ACVR2A: variants seen among roughly 807,000 people sequenced by gnomAD.
ACVR2A encodes activin receptor type-2A.
In ACVR2A, 7 loss-of-function variants were observed where a neutral mutation model predicts 61.4. The observed-to-expected ratio is 0.11, with a 90% CI of 0.06 to 0.21. ACVR2A has a LOEUF of 0.21. ACVR2A is among the 10% of genes least tolerant of loss of function. ACVR2A has a pLI of 1.00. For synonymous variants in ACVR2A, 193 were observed against 208.3 expected, an observed-to-expected ratio of 0.93 and a Z score of 0.63; for missense variants, 322 against 621.7, an observed-to-expected ratio of 0.52 and a Z score of 5.13.
At chr2:147,899,667 A>G in intron 3 of ACVR2A, 77 bp from the exon 4 acceptor site, 1 of 1,588,876 alleles carries the variant, frequency 6.3e-7, no homozygotes, top group Non-Finnish European at 8.6e-7. Flanking sequence ...CTTCCCCAAA[A>G]TTTGAGACTA....
At chr2:147,849,857 A>T (rs559180700) in intron 1 of ACVR2A, among the ~76,000 whole-genome samples, 1 of 152,286 alleles carries the variant, frequency 6.6e-6, no homozygotes, top group East Asian at 1.9e-4. Flanking sequence ...GAGAAGCACA[A>T]CTAAACCAAA....
chr2:147,925,541 G>GTAGAGAAGAT (rs1687481378), intron 9 of ACVR2A: 1 of 151,898 alleles, frequency 6.6e-6, no homozygotes, highest in Admixed American at 6.6e-5. Context: ...TAGAGAAGAG[G>GTAGAGAAGAT]TATGACTCTG....
intron 4 of ACVR2A, among the ~76,000 whole-genome samples, chr2:147,902,188 TG>T (rs2105197111): frequency 1.3e-5 from 2 of 152,122 alleles, no homozygotes; most frequent in African/African-American, 4.8e-5. Context: ...GAATGGGGCA[TG>T]GGATGTTATG....
At chr2:147,915,147 G>A (rs1300735365) in intron 4 of ACVR2A, 44 bp from the exon 5 acceptor site, 2 of 1,593,078 alleles carry the variant, frequency 1.3e-6, no homozygotes, top group African/African-American at 1.3e-5. Flanking sequence ...GTTGGTGTGT[G>A]TCATGTTCTG....
At chr2:147,848,191 A>G (rs1558957015) in intron 1 of ACVR2A, among the ~76,000 whole-genome samples, 1 of 152,242 alleles carries the variant, frequency 6.6e-6, no homozygotes. Context: ...GTTTTCTAAA[A>G]GGCAGAATCT....
chr2:147,864,960 A>G (rs1685815385), intron 1 of ACVR2A, among the ~76,000 whole-genome samples: 1 of 152,218 alleles, frequency 6.6e-6, no homozygotes, highest in Admixed American at 6.5e-5. Flanking sequence ...AATGCAATAT[A>G]AAAACATGAG....
rs1363472787 is a variant in ACVR2A, at chr2:147,929,041, AAATT to A, written c.*1773_*1776del. The A allele has an allele frequency of 3.9e-5, 6 of 152,580 alleles. No homozygotes were observed. The highest frequency in any genetic ancestry group is 3.9e-4 in the East Asian group (2 of 5,188). 9.5% of individuals were successfully genotyped at this position (152,580 alleles called of 1,614,324 possible). A position where few individuals can be genotyped will look rare whatever the true frequency, so the allele number is the denominator to read the frequency against. On this transcript the variant is annotated 3_prime_UTR_variant, in exon 11 of 11. Transcript: ENST00000241416. ...TATGTACGTAATCTCTGGGAATAGT[AAATT>A]AATTATGTTATTTATAAACAATACA...
chr2:147,896,675 A>G lies in ACVR2A; in HGVS notation c.263+167A>G, dbSNP rs946464324. Reference sequence around the variant, plus strand: ...ACATGCTGTAATGACAGTATATTTTAAAGTAATAAACATGGCATATATATG... The same window carrying G: ...ACATGCTGTAATGACAGTATATTTTGAAGTAATAAACATGGCATATATATG... On this transcript the variant is annotated intron_variant, in intron 2 of 10. Transcript: ENST00000241416. The G allele has an allele frequency of 1.3e-5, 8 of 615,700 alleles. No homozygotes were observed. The African/African-American group carries it at 1.5e-4, about 11-fold the overall frequency. The allele number at this position is 615,700 out of a possible 1,614,324, so 38.1% of individuals were successfully genotyped here.
chr2:147,922,636 C>T (rs751624131), intron 8 of ACVR2A, among the ~76,000 whole-genome samples: 1 of 151,670 alleles, frequency 6.6e-6, no homozygotes, highest in Non-Finnish European at 1.5e-5. Context: ...AGAGAAAAGA[C>T]CTCAAAAAAA....
At chr2:147,891,532 C>A (rs1686582111) in intron 1 of ACVR2A, among the ~76,000 whole-genome samples, 2 of 148,338 alleles carry the variant, frequency 1.3e-5, no homozygotes. Flanking sequence ...AAAAAAAATC[C>A]AAAAAAAGAA....
intron 1 of ACVR2A, among the ~76,000 whole-genome samples, chr2:147,888,974 T>C (rs1461479827): frequency 6.6e-6 from 1 of 152,100 alleles, no homozygotes; most frequent in Non-Finnish European, 1.5e-5. Flanking sequence ...ATTGAGTAAG[T>C]TCCCTTCTAT....
chr2:147,848,513 T>G (rs2105128199), intron 1 of ACVR2A, among the ~76,000 whole-genome samples: 1 of 152,166 alleles, frequency 6.6e-6, no homozygotes, highest in Non-Finnish European at 1.5e-5. Flanking sequence ...CAACAAAGAG[T>G]TAGCTGGCTC....
Position 147,845,212 on chromosome 2 carries a change from G to T in ACVR2A, c.55+5G>T, listed in dbSNP as rs758229749. On this transcript the variant is annotated splice_donor_5th_base_variant and intron_variant, in intron 1 of 10. Transcript: ENST00000241416. ...TTCTTATCTCCTGTTCTTCAGGTAGGTGCAGGGAGCGCGGCGCGGTGGGGC... is the reference window on the plus strand; with the variant it reads ...TTCTTATCTCCTGTTCTTCAGGTAGTTGCAGGGAGCGCGGCGCGGTGGGGC... 5.0e-6 allele frequency: 8 copies of T among 1,611,880 alleles called. No individual in the cohort carries two copies. The highest frequency in any genetic ancestry group is 8.5e-7 in the Non-Finnish European group (1 of 1,179,504).
chr2:147,849,211 A>G (rs1573908576), intron 1 of ACVR2A, among the ~76,000 whole-genome samples: 1 of 152,264 alleles, frequency 6.6e-6, no homozygotes, highest in East Asian at 1.9e-4. Context: ...TAAGGTATCA[A>G]GTTTAATTAT....
chr2:147,886,785 T>C (rs929617383), intron 1 of ACVR2A, among the ~76,000 whole-genome samples: 1 of 151,986 alleles, frequency 6.6e-6, no homozygotes, highest in Admixed American at 6.6e-5. Flanking sequence ...TTTTTTTTTT[T>C]TTGGGACGTT....
At chr2:147,851,497 A>G (rs1044978257) in intron 1 of ACVR2A, among the ~76,000 whole-genome samples, 5 of 152,122 alleles carry the variant, frequency 3.3e-5, no homozygotes, top group Admixed American at 3.3e-4. Flanking sequence ...TTCCATCCAT[A>G]CAGACTTGAC....
chr2:147,874,070 A>G (rs764294748), intron 1 of ACVR2A, among the ~76,000 whole-genome samples: 1 of 151,970 alleles, frequency 6.6e-6, no homozygotes, highest in East Asian at 1.9e-4. Flanking sequence ...TTGGTGACTT[A>G]AGAGCAAATG....
chr2:147,881,523 T>C (rs1297699848), intron 1 of ACVR2A, among the ~76,000 whole-genome samples: 2 of 151,646 alleles, frequency 1.3e-5, no homozygotes, highest in Non-Finnish European at 2.9e-5. Flanking sequence ...GAGAAAACAT[T>C]ATAATGGATG....
At chr2:147,891,590 A>T (rs1686583696) in intron 1 of ACVR2A, among the ~76,000 whole-genome samples, 1 of 152,266 alleles carries the variant, frequency 6.6e-6, no homozygotes, top group African/African-American at 2.4e-5. Flanking sequence ...CAAAAAAAGA[A>T]TAATATTTTG....
Sources: allele counts gnomAD v4.1 joint callset (sites outside exome capture counted in the v4.1 genomes callset), GRCh38; gene constraint gnomAD v4.1.1; transcripts MANE v1.5; gene names NCBI Gene and HGNC (gene_info 2026-07-23, HGNC 2026-07-21).